HRH2: variants seen among roughly 807,000 people sequenced by gnomAD.
HRH2 encodes histamine receptor H2, also known as histamine H2 receptor.
HRH2 carries 4 observed loss-of-function variants against 20.1 expected under a neutral mutation model. The ratio of observed to expected loss-of-function variants is 0.20; its 90% confidence interval spans 0.10 to 0.45. The LOEUF is 0.45. Ranked by LOEUF, HRH2 falls within the 20% of genes least tolerant of loss-of-function variation. The pLI is 0.99. For missense variants in HRH2, 250 were observed against 461.6 expected, an observed-to-expected ratio of 0.54 and a Z score of 4.20; for synonymous variants, 197 against 200.7, an observed-to-expected ratio of 0.98 and a Z score of 0.16.
intron 1 of HRH2, among the ~76,000 whole-genome samples, chr5:175,673,852 C>T (rs1308598695): frequency 6.6e-6 from 1 of 151,868 alleles, no homozygotes; most frequent in Non-Finnish European, 1.5e-5. Context: ...TTACAGATGC[C>T]CGCCACCACG....
chr5:175,697,412 G>A (rs570366977), intron 2 of HRH2, among the ~76,000 whole-genome samples: 146 of 150,412 alleles, frequency 9.7e-4, no homozygotes, highest in African/African-American at 3.4e-3. Context: ...GCAGTGAGCC[G>A]GGATAGCGCC....
chr5:175,662,972 T>A (rs1762782613), intron 1 of HRH2, among the ~76,000 whole-genome samples: 1 of 152,254 alleles, frequency 6.6e-6, no homozygotes, highest in African/African-American at 2.4e-5. Flanking sequence ...TTTTTAAGGT[T>A]CATCCATGTT....
At position 175,683,186 on chromosome 5, in the gene HRH2, G is replaced by A. The variant is rs375015576; in HGVS notation, c.-48G>A. 5 of 1,573,558 alleles carry A rather than the reference G, an allele frequency of 3.2e-6. No homozygotes were observed. The highest frequency in any genetic ancestry group is 4.3e-6 in the Non-Finnish European group (5 of 1,156,822). On this transcript the variant is annotated 5_prime_UTR_variant, in exon 2 of 3. Coordinates refer to ENST00000636584, the MANE Select transcript of HRH2 (RefSeq NM_001367711.1). The stretch of plus-strand genomic sequence containing the variant: ...TAGTTGTCACATTGGGAGCAGAGAA[G>A]AAGCAACCAGGGGCCCTGATCAGGG...
At chr5:175,669,097 G>A (rs1003234940) in intron 1 of HRH2, among the ~76,000 whole-genome samples, 13 of 151,844 alleles carry the variant, frequency 8.6e-5, no homozygotes, top group Admixed American at 5.2e-4. Context: ...CTCCTGCCTC[G>A]GCCTTCCAAA....
At chr5:175,694,357 G>A (rs886619339) in intron 2 of HRH2, among the ~76,000 whole-genome samples, 1 of 152,062 alleles carries the variant, frequency 6.6e-6, no homozygotes, top group African/African-American at 2.4e-5. Context: ...GTAAGTCCCC[G>A]GAGGCTGTCT....
intron 2 of HRH2, chr5:175,691,272 G>T (rs2113534422): frequency 6.6e-6 from 1 of 152,634 alleles, no homozygotes; most frequent in South Asian, 2.1e-4. Context: ...GGAAGTCAGG[G>T]GAAGGAGAGC....
chr5:175,696,966 G>T (rs1015885190), intron 2 of HRH2, among the ~76,000 whole-genome samples: 1 of 152,194 alleles, frequency 6.6e-6, no homozygotes, highest in Admixed American at 6.5e-5. Context: ...TGCACCTAGC[G>T]GAGGTGGCAG....
At chr5:175,672,451 C>A (rs1189290832) in intron 1 of HRH2, among the ~76,000 whole-genome samples, 1 of 152,200 alleles carries the variant, frequency 6.6e-6, no homozygotes, top group Non-Finnish European at 1.5e-5. Flanking sequence ...CACAAAACAT[C>A]ATAAACCTTA....
chr5:175,679,716 C>T (rs1755894795), intron 1 of HRH2, among the ~76,000 whole-genome samples: 1 of 152,066 alleles, frequency 6.6e-6, no homozygotes, highest in Non-Finnish European at 1.5e-5. Context: ...AGTGACACAC[C>T]AGGCATAGGG....
At chr5:175,673,221 A>T (rs1350943386) in intron 1 of HRH2, among the ~76,000 whole-genome samples, 1 of 152,182 alleles carries the variant, frequency 6.6e-6, no homozygotes, top group East Asian at 1.9e-4. Flanking sequence ...GCAGCTGCAA[A>T]GGAGAGTAGA....
chr5:175,669,502 T>C (rs1755440148), intron 1 of HRH2, among the ~76,000 whole-genome samples: 1 of 152,090 alleles, frequency 6.6e-6, no homozygotes, highest in African/African-American at 2.4e-5. Context: ...TAGCTGGCAT[T>C]ACAGGCACAC....
At chr5:175,674,306 TCA>T (rs1755681124) in intron 1 of HRH2, among the ~76,000 whole-genome samples, 1 of 152,138 alleles carries the variant, frequency 6.6e-6, no homozygotes, top group African/African-American at 2.4e-5. Flanking sequence ...TTTCCAAACC[TCA>T]GTTTCACCAT....
intron 2 of HRH2, among the ~76,000 whole-genome samples, chr5:175,690,538 T>C (rs527520040): frequency 5.8e-4 from 89 of 152,174 alleles, no homozygotes; most frequent in African/African-American, 2.0e-3. Flanking sequence ...TTCCTGTCTG[T>C]CTGCCTGCCT....
intron 1 of HRH2, among the ~76,000 whole-genome samples, chr5:175,662,482 G>A (rs1762767448): frequency 6.6e-6 from 1 of 152,096 alleles, no homozygotes; most frequent in African/African-American, 2.4e-5. Context: ...TGGAAGAGAA[G>A]AGCATTCCTG....
chr5:175,676,010 G>GT (rs1311441160), intron 1 of HRH2, among the ~76,000 whole-genome samples: 4 of 150,138 alleles, frequency 2.7e-5, no homozygotes, highest in South Asian at 2.1e-4. Flanking sequence ...GTACGCACAC[G>GT]TGTGTTCTCC....
In HRH2 at chr5:175,683,135, G is replaced by A; in HGVS notation, c.-99G>A. 3 of 1,230,306 alleles carry A rather than the reference G, an allele frequency of 2.4e-6. No homozygotes were observed. Among genetic ancestry groups the A allele is most frequent in the Non-Finnish European group, 3.4e-6 (3 of 887,520 alleles). The allele number at this position is 1,230,306 out of a possible 1,614,324, so 76.2% of individuals were successfully genotyped here. ...AAACTGGACACATTTTGGATCTGTTGGGAGCTTGGAGTCCAGTGGTTGGCA... is the reference window on the plus strand; with the variant it reads ...AAACTGGACACATTTTGGATCTGTTAGGAGCTTGGAGTCCAGTGGTTGGCA... On this transcript the variant is annotated 5_prime_UTR_variant, in exon 2 of 3. Transcript: ENST00000636584.
intron 1 of HRH2, 106 bp from the exon 2 acceptor site, chr5:175,682,603 G>T (rs1279158955): frequency 1.3e-5 from 2 of 152,828 alleles, no homozygotes; most frequent in Non-Finnish European, 2.9e-5. Context: ...CATACTTCCT[G>T]GGGTCTTGCC....
At chr5:175,660,524 G>A (rs1157296949) in intron 1 of HRH2, among the ~76,000 whole-genome samples, 3 of 152,240 alleles carry the variant, frequency 2.0e-5, no homozygotes, top group Non-Finnish European at 2.9e-5. Flanking sequence ...AGGCTAAAGA[G>A]GGTTAACAGT....
chr5:175,692,872 G>A (rs1756434179), intron 2 of HRH2, among the ~76,000 whole-genome samples: 1 of 152,222 alleles, frequency 6.6e-6, no homozygotes, highest in South Asian at 2.1e-4. Flanking sequence ...TGAGGAACGT[G>A]TTTTTTATAC....
Sources: allele counts gnomAD v4.1 joint callset (sites outside exome capture counted in the v4.1 genomes callset), GRCh38; gene constraint gnomAD v4.1.1; transcripts MANE v1.5; gene names NCBI Gene and HGNC (gene_info 2026-07-23, HGNC 2026-07-21).